Variants in HAGH observed in about 807,000 individuals in gnomAD.
HAGH encodes the protein hydroxyacylglutathione hydrolase, also known as hydroxyacylglutathione hydrolase, mitochondrial.
In HAGH, 29 loss-of-function variants were observed where a neutral mutation model predicts 35.1. The observed-to-expected ratio is 0.83, with a 90% CI of 0.62 to 1.13. The LOEUF (loss-of-function observed/expected upper bound fraction) is 1.13, where lower values mean the gene tolerates loss of function less well. Among genes scored for constraint, HAGH ranks in the 50% most tolerant of loss-of-function variants. The probability of loss-of-function intolerance (pLI) is 0.00; values close to 1 mark genes in which losing one functional copy is unlikely to be tolerated. For missense variants in HAGH, 478 were observed against 419.6 expected (o/e 1.14, Z -1.22); for synonymous variants, 225 against 176.1 (o/e 1.28, Z -2.20).
At chr16:1,818,855 G>A in intron 5 of HAGH, 1 of 484,594 alleles carries the variant, frequency 2.1e-6, no homozygotes. Context: ...TTTCCCGTGG[G>A]ACCCGCCCGG....
At chr16:1,809,594 G>T in intron 8 of HAGH, 160 bp downstream of exon 8, 1 of 699,286 alleles carries the variant, frequency 1.4e-6, no homozygotes, top group Non-Finnish European at 2.5e-6. Flanking sequence ...GGAAAGGCCG[G>T]ACCCCCCTCA....
chr16:1,816,955 T>C lies in HAGH; in HGVS notation c.685A>G (p.Lys229Glu), dbSNP rs767209174. 5 of 1,613,462 alleles carry C rather than the reference T, an allele frequency of 3.1e-6. No homozygotes were observed. Among genetic ancestry groups the C allele is most frequent in the East Asian group, 4.5e-5 (2 of 44,838 alleles). The change falls in exon 7 of 9, where the codon AAG becomes GAG. Residue 229 changes from lysine to glutamate, a missense_variant. By Grantham distance (56) the Lys-to-Glu change is moderately conservative. Coordinates refer to ENST00000397356, the MANE Select transcript of HAGH (RefSeq NM_005326.6). ...CCGGGCTCCACGTGGCGTGCAAACT[T>C]GAGGTTGTTGATGGTGTACTCGTGG... ...CGHEYTINNL[K>E]FARHVEPGNA...
intron 3 of HAGH, among the ~76,000 whole-genome samples, 156 bp from the exon 4 acceptor site, chr16:1,820,170 G>A (rs1337194824): frequency 6.6e-6 from 1 of 152,132 alleles, no homozygotes; most frequent in Admixed American, 6.5e-5. Flanking sequence ...AACCGAGGAA[G>A]CAAATCACAG....
intron 7 of HAGH, among the ~76,000 whole-genome samples, chr16:1,814,489 GAAAC>G (rs147655502): frequency 0.014 from 1,976 of 145,074 alleles, 35 homozygotes; most frequent in South Asian, 0.075. Flanking sequence ...AAAAAAAAAA[GAAAC>G]AAACAAAAAA....
At chr16:1,814,415 G>A (rs1404366104) in intron 7 of HAGH, among the ~76,000 whole-genome samples, 4 of 151,200 alleles carry the variant, frequency 2.6e-5, no homozygotes, top group East Asian at 1.9e-4. Context: ...TGGATGTTGC[G>A]GTGAGCTGAG....
intron 3 of HAGH, among the ~76,000 whole-genome samples, chr16:1,820,228 G>A (rs982959275): frequency 3.3e-5 from 5 of 150,648 alleles, no homozygotes; most frequent in African/African-American, 1.2e-4. Context: ...GGGGCCTGGG[G>A]TTACCACCTG....
chr16:1,825,262 G>A (rs1023410161), intron 1 of HAGH, among the ~76,000 whole-genome samples: 7 of 152,168 alleles, frequency 4.6e-5, no homozygotes, highest in Non-Finnish European at 8.8e-5. Flanking sequence ...AGGTTGCAGT[G>A]AGCCGAGATT....
At chr16:1,810,242 G>A (rs1421684377) in intron 7 of HAGH, 16 of 179,724 alleles carry the variant, frequency 8.9e-5, no homozygotes, top group Non-Finnish European at 1.7e-4. Context: ...AGCAGAGCCC[G>A]GCGGGTGTGC....
At chr16:1,812,903 C>G (rs1033029620) in intron 7 of HAGH, among the ~76,000 whole-genome samples, 3 of 152,082 alleles carry the variant, frequency 2.0e-5, no homozygotes, top group East Asian at 1.9e-4. Flanking sequence ...TGTGGTGTGC[C>G]GAAAGACACG....
chr16:1,819,431 G>C (rs951243931), intron 4 of HAGH, among the ~76,000 whole-genome samples: 1 of 152,224 alleles, frequency 6.6e-6, no homozygotes, highest in Non-Finnish European at 1.5e-5. Flanking sequence ...TGGAACAAGA[G>C]CGTGTAAAAA....
Position 1,809,214 on chromosome 16 carries a change from C to G in HAGH, c.*69G>C, listed in dbSNP as rs908001245. 1.4e-5 allele frequency: 15 copies of G among 1,048,756 alleles called. No homozygotes were observed. The highest frequency in any genetic ancestry group is 2.2e-5 in the Non-Finnish European group (15 of 693,498). The allele number at this position is 1,048,756 out of a possible 1,614,324, so 65.0% of individuals were successfully genotyped here. On this transcript the variant is annotated 3_prime_UTR_variant, in exon 9 of 9. Transcript: ENST00000397356. ...TTAAATCAAGACTGAATTTCCCGCA[C>G]GGACCAGCAGGAAAGCCAGTTACCT... is the stretch of plus-strand genomic sequence containing the variant.
rs1898209889 is a variant in HAGH at position 1,822,761 on chromosome 16, GC to G, written c.249+103del. The G allele has an allele frequency of 3.1e-6, 3 of 964,096 alleles. No individual in the cohort carries two copies. In the Admixed American group the frequency reaches 5.6e-5, roughly 18 times the overall value. 59.7% of individuals were successfully genotyped at this position (964,096 alleles called of 1,614,324 possible). On this transcript the variant is annotated intron_variant, in intron 2 of 8. Coordinates refer to ENST00000397356, the MANE Select transcript of HAGH (RefSeq NM_005326.6). ...GTGGCCGGAGACTAATTTCCATTTA[GC>G]TTAGGCAAAGTTGCAAGGACACTGC...
chr16:1,827,092 G>A (rs1053291674), upstream of HAGH: 80 of 1,251,110 alleles, frequency 6.4e-5, no homozygotes, highest in Non-Finnish European at 8.4e-5. Flanking sequence ...CGAGCGCCAC[G>A]CCGCCCGGGT....
intron 1 of HAGH, among the ~76,000 whole-genome samples, chr16:1,825,169 T>A (rs1344380433): frequency 6.6e-6 from 1 of 152,050 alleles, no homozygotes; most frequent in Non-Finnish European, 1.5e-5. Flanking sequence ...AATACAAAAA[T>A]TAGCTGGGCG....
chr16:1,809,391 G>A lies in HAGH; in HGVS notation c.828-9C>T, dbSNP rs1897529822. 6.2e-7 allele frequency: 1 copy of A among 1,603,544 alleles called. No homozygotes were observed. Among genetic ancestry groups the A allele is most frequent in the Non-Finnish European group, 8.5e-7 (1 of 1,176,172 alleles). ...GCTGCACCGTCTTCTCCCTGCGGAG[G>A]CCAGCACCGGGCTGCAGGCTGTGCC... On this transcript the variant is annotated splice_polypyrimidine_tract_variant and intron_variant, in intron 8 of 8. Transcript: ENST00000397356.
chr16:1,819,291 G>A lies in HAGH; in HGVS notation c.433-68C>T, dbSNP rs540155259. 9.8e-6 allele frequency: 10 copies of A among 1,018,166 alleles called. No individual in the cohort carries two copies. The Middle Eastern group carries it at 7.0e-4, about 71-fold the overall frequency. 63.1% of individuals were successfully genotyped at this position (1,018,166 alleles called of 1,614,324 possible). A position where few individuals can be genotyped will look rare whatever the true frequency, so the allele number is the denominator to read the frequency against. Reference sequence around the variant, plus strand: ...GAGAGCCATCTCCCGGGGTCACGGCGCGCCGCCTGGGCCCTACTGGGCCTC... The same window carrying A: ...GAGAGCCATCTCCCGGGGTCACGGCACGCCGCCTGGGCCCTACTGGGCCTC... On this transcript the variant is annotated intron_variant, in intron 4 of 8. Coordinates refer to ENST00000397356, the MANE Select transcript of HAGH (RefSeq NM_005326.6).
In HAGH at chr16:1,814,176, A is replaced by C. The variant is rs563580932; in HGVS notation, c.747+2717T>G. 1.2e-3 allele frequency among the ~76,000 whole-genome samples: 156 copies of C among 125,818 alleles called. 1 individual carries two copies. The highest frequency in any genetic ancestry group is 5.2e-3 in the African/African-American group (153 of 29,472). 82.5% of individuals were successfully genotyped at this position (125,818 alleles called of 152,430 possible). On this transcript the variant is annotated intron_variant, in intron 7 of 8. Coordinates refer to ENST00000397356, the MANE Select transcript of HAGH (RefSeq NM_005326.6). The stretch of plus-strand genomic sequence containing the variant: ...ATCTTAGAAAGGGCACAAGAAACAT[A>C]AAAGAAAAATTGAGTAGGCCGGGCG...
Position 1,822,855 on chromosome 16 carries a change from C to A in HAGH, c.249+10G>T. On this transcript the variant is annotated intron_variant, in intron 2 of 8. Transcript: ENST00000397356. The stretch of plus-strand genomic sequence containing the variant: ...CCAGGGCAGGGAGAGCCAGGCACAG[C>A]CATGCGCACCTTCTGGGGCTGCACC... 3 of 1,611,716 alleles carry A rather than the reference C, an allele frequency of 1.9e-6. No individual in the cohort carries two copies. Among genetic ancestry groups the A allele is most frequent in the Non-Finnish European group, 2.5e-6 (3 of 1,178,342 alleles).
At position 1,826,798 on chromosome 16, in the gene HAGH, G is replaced by A. The variant is rs1317172926; in HGVS notation, c.-11C>T. The A allele has an allele frequency of 3.0e-5, 37 of 1,218,686 alleles. No homozygotes were observed. Among genetic ancestry groups the A allele is most frequent in the Non-Finnish European group, 3.6e-5 (35 of 977,422 alleles). The allele number at this position is 1,218,686 out of a possible 1,614,324, so 75.5% of individuals were successfully genotyped here. The stretch of plus-strand genomic sequence containing the variant: ...TCGGCCCACCACCATGACCCGGGCC[G>A]GGCTGGACTGCCGAGCTGCCCAGGA... On this transcript the variant is annotated 5_prime_UTR_variant, in exon 1 of 9. Coordinates refer to ENST00000397356, the MANE Select transcript of HAGH (RefSeq NM_005326.6).
Sources: allele counts gnomAD v4.1 joint callset (sites outside exome capture counted in the v4.1 genomes callset), GRCh38; gene constraint gnomAD v4.1.1; transcripts MANE v1.5; gene names NCBI Gene and HGNC (gene_info 2026-07-23, HGNC 2026-07-21).